The following ZAN variants were observed in gnomAD, a reference collection of about 807,000 sequenced individuals.
ZAN encodes zonadhesin, also known as zonadhesin (gene/pseudogene).
ZAN carries 260 observed loss-of-function variants against 286.2 expected under a neutral mutation model. The observed-to-expected ratio is 0.91, with a 90% confidence interval of 0.82 to 1.01. The LOEUF (loss-of-function observed/expected upper bound fraction) is 1.01. Ranked by LOEUF, ZAN falls within the 50% of genes least tolerant of loss-of-function variation. The pLI is 0.00. For synonymous variants in ZAN, 1,368 were observed against 1,417.5 expected (o/e 0.97, Z 0.79); for missense variants, 3,410 against 3,639.2 (o/e 0.94, Z 1.62).
chr7:100,771,805 G>A, intron 28 of ZAN, 39 bp from the exon 29 acceptor site: 1 of 1,585,156 alleles, frequency 6.3e-7, no homozygotes, highest in Non-Finnish European at 8.6e-7. Flanking sequence ...TTCCTTCCCG[G>A]CCCCTCCCCT....
chr7:100,779,628 C>A lies in ZAN; in HGVS notation c.6500C>A (p.Ala2167Glu), dbSNP rs1811065120. 1.3e-6 allele frequency: 2 copies of A among 1,599,876 alleles called. No individual in the cohort carries two copies. The highest frequency in any genetic ancestry group is 1.7e-6 in the Non-Finnish European group (2 of 1,173,510). The part of the protein sequence containing the change: ...IDLTPFLVDC[A>E]NTLCEFGGLY... ...CTCACGCCCTTCCTGGTGGACTGTGCAAACACCCTCTGTGAGTTCGGAGGT... is the reference window on the plus strand; with the variant it reads ...CTCACGCCCTTCCTGGTGGACTGTGAAAACACCCTCTGTGAGTTCGGAGGT... Residue 2167 changes from alanine to glutamate, a missense_variant, in exon 35 of 48, where the codon GCA (alanine) becomes GAA (glutamate). Physicochemically the swap from Ala to Glu is moderately radical, Grantham distance 107. Coordinates refer to ENST00000613979, the MANE Select transcript of ZAN (RefSeq NM_003386.3).
At chr7:100,794,728 C>T (rs1199294174) in intron 44 of ZAN, among the ~76,000 whole-genome samples, 1 of 151,944 alleles carries the variant, frequency 6.6e-6, no homozygotes, top group Non-Finnish European at 1.5e-5. Context: ...GTCTCAGCTA[C>T]TTGGAAGCTG....
intron 22 of ZAN, among the ~76,000 whole-genome samples, chr7:100,764,474 G>A (rs543940300): frequency 1.6e-4 from 24 of 148,568 alleles, no homozygotes; most frequent in African/African-American, 5.5e-4. Context: ...CAGCCTGGGC[G>A]ACAGAGTGAG....
chr7:100,779,220 T>A (rs1350309798), intron 34 of ZAN, among the ~76,000 whole-genome samples: 1 of 144,366 alleles, frequency 6.9e-6, no homozygotes, highest in Non-Finnish European at 1.5e-5. Context: ...AAAAAAAAAA[T>A]TGGTCGGGCG....
chr7:100,786,057 A>T lies in ZAN; in HGVS notation c.6895A>T (p.Ile2299Phe). 1 of 1,614,004 alleles carries T rather than the reference A, an allele frequency of 6.2e-7. No individual in the cohort carries two copies. The highest frequency in any genetic ancestry group is 1.1e-5 in the South Asian group (1 of 91,088). Residue 2299 changes from isoleucine to phenylalanine, a missense_variant, in exon 37 of 48, where the codon ATT (isoleucine) becomes TTT (phenylalanine). Transcript: ENST00000613979. ...GAAGTGTGTCTGCACGGGAGGAGCC[A>T]TTCAGTGCGGGGACTTCCGATGCCC... ...TEKCVCTGGA[I>F]QCGDFRCPSG... is the part of the protein sequence containing the mutation.
chr7:100,766,652 G>C lies in ZAN; in HGVS notation c.4598G>C (p.Gly1533Ala). The change falls in exon 24 of 48, where the codon GGC (glycine) becomes GCC (alanine). Residue 1533 changes from glycine to alanine, a missense_variant. By Grantham distance (60) the Gly-to-Ala change is moderately conservative (BLOSUM62 0). Transcript: ENST00000613979. ...EFCGQQDGIY[G>A]CHAQGAATCT... ...TGTGGCCAACAGGATGGTATCTATG[G>C]CTGCCATGCCCAAGGTGAGCCATCA... 6.4e-7 allele frequency: 1 copy of C among 1,567,744 alleles called. No individual in the cohort carries two copies. Among genetic ancestry groups the C allele is most frequent in the Admixed American group, 1.9e-5 (1 of 52,754 alleles).
chr7:100,773,842 G>T lies in ZAN; in HGVS notation c.5756G>T (p.Gly1919Val). The T allele has an allele frequency of 6.5e-7, 1 of 1,544,716 alleles. No individual in the cohort carries two copies. Among genetic ancestry groups the T allele is most frequent in the Admixed American group, 1.8e-5 (1 of 55,048 alleles). Residue 1919 changes from glycine to valine, a missense_variant, in exon 31 of 48, where the codon GGG (glycine) becomes GTG (valine). Transcript: ENST00000613979. ...KPNQICWALD[G>V]LLHCRASGVG... is the part of the protein sequence containing the mutation. ...AACCAGATATGCTGGGCCCTGGATG[G>T]GCTGCTCCATTGTCGGGCCTCAGGT...
Position 100,737,446 on chromosome 7 carries a change from C to G in ZAN, c.613+97C>G, listed in dbSNP as rs1807395818. The G allele has an allele frequency of 4.5e-6, 4 of 882,780 alleles. 1 individual carries two copies. In the South Asian group the frequency reaches 7.1e-5, roughly 16 times the overall value. The allele number at this position is 882,780 out of a possible 1,614,324, so 54.7% of individuals were successfully genotyped here. A position where few individuals can be genotyped will look rare whatever the true frequency, so the allele number is the denominator to read the frequency against. ...TCCAGGGCGGGCGCGGTGGCTCATG[C>G]CTGTAATCCCAGCACTTTGGGAGGC... On this transcript the variant is annotated intron_variant, in intron 6 of 47. Coordinates refer to ENST00000613979, the MANE Select transcript of ZAN (RefSeq NM_003386.3).
intron 23 of ZAN, 27 bp from the exon 24 acceptor site, chr7:100,766,498 C>A (rs1177817117): frequency 3.2e-6 from 5 of 1,538,536 alleles, no homozygotes; most frequent in Non-Finnish European, 4.4e-6. Flanking sequence ...AAAACACTTT[C>A]TCTTCCTTCC....
At chr7:100,765,063 G>A (rs942588537) in intron 22 of ZAN, among the ~76,000 whole-genome samples, 2 of 152,118 alleles carry the variant, frequency 1.3e-5, no homozygotes, top group Admixed American at 1.3e-4. Context: ...GGTCCCCTGC[G>A]GGCCAACAGC....
At chr7:100,764,496 A>AAAAAT (rs1344021650) in intron 22 of ZAN, among the ~76,000 whole-genome samples, 1 of 148,822 alleles carries the variant, frequency 6.7e-6, no homozygotes, top group Non-Finnish European at 1.5e-5. Context: ...CTCCATCTCA[A>AAAAAT]AAAATAAAAT....
In ZAN at chr7:100,738,441, C is replaced by T. The variant is rs1289355044; in HGVS notation, c.614-20C>T. ...AAAAAGAAGAAAACATTATATCTTC[C>T]CTTCTTTCTTTCCTCTCAGTCTGTA... is the stretch of plus-strand genomic sequence containing the variant. On this transcript the variant is annotated intron_variant, in intron 6 of 47. Coordinates refer to ENST00000613979, the MANE Select transcript of ZAN (RefSeq NM_003386.3). 6.2e-6 allele frequency: 9 copies of T among 1,451,416 alleles called. 2 individuals carry two copies. Among genetic ancestry groups the T allele is most frequent in the Non-Finnish European group, 8.4e-6 (9 of 1,067,268 alleles). The allele number at this position is 1,451,416 out of a possible 1,614,324, so 89.9% of individuals were successfully genotyped here.
rs1432290476 is a variant in ZAN at position 100,748,489 on chromosome 7, G to A, written c.1249+19G>A. 9 of 1,597,702 alleles carry A rather than the reference G, an allele frequency of 5.6e-6. No homozygotes were observed. The highest frequency in any genetic ancestry group is 4.5e-5 in the East Asian group (2 of 44,398). The stretch of plus-strand genomic sequence containing the variant: ...AATGCAGGTGAGGAGATTGAGGAGC[G>A]CTCACGCCAAGAAATCACTCAGTCT... On this transcript the variant is annotated intron_variant, in intron 11 of 47. Coordinates refer to ENST00000613979, the MANE Select transcript of ZAN (RefSeq NM_003386.3).
Position 100,760,467 on chromosome 7 carries a change from A to C in ZAN, c.3773A>C (p.Glu1258Ala), listed in dbSNP as rs200050314. 1,660 of 1,613,704 alleles carry C rather than the reference A, an allele frequency of 1.0e-3. 2 individuals carry two copies. Among genetic ancestry groups the C allele is most frequent in the Middle Eastern group, 1.8e-3 (11 of 6,084 alleles). The change falls in exon 19 of 48, where the codon GAG (glutamate) becomes GCG (alanine). Residue 1258 changes from glutamate (E) to alanine (A), a missense_variant. Transcript: ENST00000613979. ...VFLGASGRFVELQTEFGLRVR... is the reference protein window; with the variant it reads ...VFLGASGRFVALQTEFGLRVR... ...CTGGGTGCAAGCGGGCGGTTTGTGG[A>C]GCTGCAGACGGAGTTCGGTTTGCGG...
At position 100,763,883 on chromosome 7, in the gene ZAN, G is replaced by A. The variant is rs1263509497; in HGVS notation, c.4064G>A (p.Cys1355Tyr). 6 of 1,614,052 alleles carry A rather than the reference G, an allele frequency of 3.7e-6. No individual in the cohort carries two copies. The highest frequency in any genetic ancestry group is 5.1e-6 in the Non-Finnish European group (6 of 1,179,906). Residue 1355 changes from cysteine to tyrosine, a missense_variant, in exon 21 of 48, where the codon TGT (cysteine) becomes TAT (tyrosine). By Grantham distance (194) the Cys-to-Tyr change is radical (BLOSUM62 -2). Coordinates refer to ENST00000613979, the MANE Select transcript of ZAN (RefSeq NM_003386.3). The surrounding 1 kb of genome is among the most constrained non-coding windows in gnomAD (Gnocchi z 4.6). ...LQSSMSGPGF[C>Y]GRLVDTHGPF... ...AGCAGCATGTCGGGGCCAGGGTTCT[G>A]TGGACGGCTGGTCGACACTCATGGC... is the stretch of plus-strand genomic sequence containing the variant.
chr7:100,768,622 A>G lies in ZAN; in HGVS notation c.5054A>G (p.Asn1685Ser), dbSNP rs1215053903. The change falls in exon 27 of 48, where the codon AAC becomes AGC. Residue 1685 changes from asparagine (N) to serine (S), a missense_variant. By Grantham distance (46) the Asn-to-Ser change is conservative. Coordinates refer to ENST00000613979, the MANE Select transcript of ZAN (RefSeq NM_003386.3). ...CTCCCTCCTCTAGGGAACTACAACAACAACAGCTTGGATGACAACCTGCGC... is the reference window on the plus strand; with the variant it reads ...CTCCCTCCTCTAGGGAACTACAACAGCAACAGCTTGGATGACAACCTGCGC... ...QLCGLCGNYN[N>S]NSLDDNLRPD... The G allele has an allele frequency of 5.0e-6, 8 of 1,609,130 alleles. No homozygotes were observed. Among genetic ancestry groups the G allele is most frequent in the East Asian group, 2.2e-5 (1 of 44,762 alleles).
chr7:100,749,060 C>A (rs1030430492), intron 11 of ZAN, among the ~76,000 whole-genome samples: 3 of 151,936 alleles, frequency 2.0e-5, no homozygotes, highest in African/African-American at 7.3e-5. Flanking sequence ...AAAAAATAGG[C>A]CAGGCATGGT....
chr7:100,752,621 C>T lies in ZAN; in HGVS notation c.2516C>T (p.Ser839Phe), dbSNP rs746932543. The change falls in exon 14 of 48, where the codon TCT (serine) becomes TTT (phenylalanine). Residue 839 changes from serine to phenylalanine, a missense_variant. Coordinates refer to ENST00000613979, the MANE Select transcript of ZAN (RefSeq NM_003386.3). ...TTTSVEETTI[S>F]TEKLTIPMEK... ...ACCTCTGTTGAAGAGACTACCATCT[C>T]TACAGAAAAACTCACCATCCCCATG... 8 of 1,612,366 alleles carry T rather than the reference C, an allele frequency of 5.0e-6. No homozygotes were observed. The highest frequency in any genetic ancestry group is 6.8e-6 in the Non-Finnish European group (8 of 1,179,488).
intron 15 of ZAN, among the ~76,000 whole-genome samples, chr7:100,757,624 G>A (rs7778978): frequency 0.27 from 41,112 of 151,572 alleles, 6,111 homozygotes; most frequent in South Asian, 0.45. Flanking sequence ...GCGTCGTGGC[G>A]GGTGCCTGTA....
Sources: allele counts gnomAD v4.1 joint callset (sites outside exome capture counted in the v4.1 genomes callset), GRCh38; gene constraint gnomAD v4.1.1; non-coding constraint Gnocchi (gnomAD v3.1); transcripts MANE v1.5; gene names NCBI Gene and HGNC (gene_info 2026-07-23, HGNC 2026-07-21).